SVOP: variants seen among roughly 807,000 people sequenced by gnomAD.
SVOP encodes synaptic vesicle 2-related protein.
SVOP carries 17 observed loss-of-function variants against 69.1 expected under a neutral mutation model. That is an observed-to-expected ratio of 0.25 (90% CI 0.17 to 0.37). SVOP has a LOEUF of 0.37. Among genes scored for constraint, SVOP ranks in the 10% least tolerant of loss-of-function variants. The probability of loss-of-function intolerance (pLI) is 1.00; values close to 1 mark genes in which losing one functional copy is unlikely to be tolerated. For synonymous variants in SVOP, 238 were observed against 238.6 expected (o/e 1.00, Z 0.02); for missense variants, 435 against 597.5 (o/e 0.73, Z 2.84).
At chr12:109,003,006 A>G (rs1309060034) in intron 1 of SVOP, among the ~76,000 whole-genome samples, 1 of 13,764 alleles carries the variant, frequency 7.3e-5, no homozygotes, top group East Asian at 0.05. Flanking sequence ...AATAAATAAA[A>G]ATAAAAATAA....
Position 108,912,316 on chromosome 12 carries a change from C to T in SVOP, c.*219G>A, listed in dbSNP as rs932116466. On this transcript the variant is annotated 3_prime_UTR_variant, in exon 16 of 16. Transcript: ENST00000610966. ...CCACAGGTTATGAACAAAGCTTTCA[C>T]CACATATACAGAGAACCCCCTAGAG... 7.0e-7 allele frequency: 1 copy of T among 1,425,398 alleles called. No homozygotes were observed. Among genetic ancestry groups the T allele is most frequent in the Admixed American group, 2.9e-5 (1 of 34,586 alleles). 88.3% of individuals were successfully genotyped at this position (1,425,398 alleles called of 1,614,324 possible).
intron 1 of SVOP, among the ~76,000 whole-genome samples, chr12:109,011,103 C>T (rs2040338806): frequency 1.3e-5 from 2 of 151,874 alleles, no homozygotes; most frequent in Non-Finnish European, 2.9e-5. Flanking sequence ...TTAGTAAAGA[C>T]AGGGTTTCAC....
chr12:108,951,510 C>T (rs1275386104), intron 6 of SVOP, among the ~76,000 whole-genome samples: 1 of 152,146 alleles, frequency 6.6e-6, no homozygotes, highest in African/African-American at 2.4e-5. Flanking sequence ...AATTCCCTTG[C>T]TTGAATTAAA....
chr12:108,940,720 C>T lies in SVOP; in HGVS notation c.768+64G>A, dbSNP rs2039885380. On this transcript the variant is annotated intron_variant, in intron 8 of 15. Transcript: ENST00000610966. ...GGTATCCTTCCCTATCCCCTCCCCA[C>T]CAAAATAGAGTGGACAGTAAGATGT... is the stretch of plus-strand genomic sequence containing the variant. 3 of 1,514,998 alleles carry T rather than the reference C, an allele frequency of 2.0e-6. No individual in the cohort carries two copies. In the East Asian group the frequency reaches 7.4e-5, roughly 38 times the overall value. The allele number at this position is 1,514,998 out of a possible 1,614,324, so 93.8% of individuals were successfully genotyped here.
At chr12:108,944,788 A>G (rs914674221) in intron 7 of SVOP, among the ~76,000 whole-genome samples, 1 of 152,096 alleles carries the variant, frequency 6.6e-6, no homozygotes, top group African/African-American at 2.4e-5. Context: ...CGGTCTACTC[A>G]CACCACACCA....
At chr12:108,961,302 G>A (rs889003094) in intron 5 of SVOP, among the ~76,000 whole-genome samples, 1 of 152,124 alleles carries the variant, frequency 6.6e-6, no homozygotes, top group African/African-American at 2.4e-5. Flanking sequence ...CCACAATACA[G>A]GAGACAAAAT....
intron 4 of SVOP, among the ~76,000 whole-genome samples, chr12:108,975,900 C>T (rs551589834): frequency 3.3e-5 from 5 of 151,982 alleles, no homozygotes; most frequent in Non-Finnish European, 7.4e-5. Context: ...GGGGTTTCAC[C>T]AAGTTGGCCA....
intron 1 of SVOP, among the ~76,000 whole-genome samples, chr12:108,995,494 T>TG (rs1289485680): frequency 1.3e-5 from 2 of 152,034 alleles, no homozygotes; most frequent in African/African-American, 4.8e-5. Context: ...TACCAGGGGC[T>TG]GGGGGGAAGG....
At chr12:109,001,346 G>A (rs1181448626) in intron 1 of SVOP, among the ~76,000 whole-genome samples, 5 of 149,918 alleles carry the variant, frequency 3.3e-5, no homozygotes, top group African/African-American at 1.2e-4. Context: ...ATGCTCATGG[G>A]TAGGAAGAAT....
At chr12:108,919,600 C>T in intron 13 of SVOP, 75 bp downstream of exon 13, 5 of 1,203,650 alleles carry the variant, frequency 4.2e-6, no homozygotes, top group Non-Finnish European at 5.9e-6. Flanking sequence ...GCACATCTAC[C>T]TGGGCCTGCA....
intron 6 of SVOP, among the ~76,000 whole-genome samples, chr12:108,952,596 A>G (rs563476317): frequency 6.6e-6 from 1 of 152,248 alleles, no homozygotes; most frequent in Non-Finnish European, 1.5e-5. Flanking sequence ...TGTAATCCCA[A>G]CACTTTGGGA....
intron 8 of SVOP, 68 bp downstream of exon 8, chr12:108,940,716 C>T (rs2039885367): frequency 1.4e-5 from 21 of 1,510,848 alleles, no homozygotes; most frequent in Middle Eastern, 1.7e-4. Context: ...CTATCCCCTC[C>T]CCACCAAAAT....
At chr12:108,954,765 C>T (rs1049772689) in intron 6 of SVOP, among the ~76,000 whole-genome samples, 2 of 152,188 alleles carry the variant, frequency 1.3e-5, no homozygotes, top group Non-Finnish European at 2.9e-5. Flanking sequence ...CGCCATGATG[C>T]ATGCCTGTAA....
chr12:108,987,324 A>G (rs1329044336), intron 1 of SVOP, among the ~76,000 whole-genome samples: 1 of 152,178 alleles, frequency 6.6e-6, no homozygotes, highest in Non-Finnish European at 1.5e-5. Context: ...TGGACAGACC[A>G]CATTTTGCTG....
chr12:108,926,662 T>C (rs1238496602), intron 11 of SVOP: 1 of 152,278 alleles, frequency 6.6e-6, no homozygotes, highest in Non-Finnish European at 1.5e-5. Flanking sequence ...ATGATTCTAG[T>C]ATTAATACAT....
chr12:108,974,314 T>C (rs182788634), intron 4 of SVOP, among the ~76,000 whole-genome samples: 314 of 152,336 alleles, frequency 2.1e-3, no homozygotes, highest in Non-Finnish European at 3.1e-3. Flanking sequence ...TTGCTTATGA[T>C]TAACAATTAT....
At chr12:108,956,323 GC>G (rs2039985813) in intron 6 of SVOP, among the ~76,000 whole-genome samples, 1 of 148,082 alleles carries the variant, frequency 6.8e-6, no homozygotes, top group Admixed American at 6.8e-5. Flanking sequence ...AAAAGAATTA[GC>G]ATTACCCTTC....
At chr12:109,019,601 A>AT (rs1323893313) in intron 1 of SVOP, among the ~76,000 whole-genome samples, 5 of 152,272 alleles carry the variant, frequency 3.3e-5, no homozygotes, top group Non-Finnish European at 7.4e-5. Context: ...AGACCTTTAC[A>AT]TTTTTATGTA....
chr12:109,009,046 C>T (rs534318088), intron 1 of SVOP, among the ~76,000 whole-genome samples: 2 of 144,306 alleles, frequency 1.4e-5, no homozygotes, highest in Admixed American at 1.4e-4. Flanking sequence ...ACTGCAGCGT[C>T]TGCTTCCCGG....
Sources: allele counts gnomAD v4.1 joint callset (sites outside exome capture counted in the v4.1 genomes callset), GRCh38; gene constraint gnomAD v4.1.1; transcripts MANE v1.5; gene names NCBI Gene and HGNC (gene_info 2026-07-23, HGNC 2026-07-21).